NUP98: variants seen among roughly 807,000 people sequenced by gnomAD.
NUP98 encodes the protein nucleoporin 98 and 96 precursor.
Under a neutral mutation model 191.9 loss-of-function variants are expected in NUP98, and 26 were observed. That is an observed-to-expected ratio of 0.14 (90% confidence interval 0.10 to 0.19). NUP98 has a LOEUF of 0.19. NUP98 is among the 10% of genes least tolerant of loss of function. NUP98 has a pLI of 1.00. For synonymous variants in NUP98, 808 were observed against 778.4 expected (o/e 1.04, Z -0.63); for missense variants, 1,941 against 2,178.8 (o/e 0.89, Z 2.17).
Position 3,733,617 on chromosome 11 carries a change from G to A in NUP98, c.1542+1574C>T, listed in dbSNP as rs985219111. ...ATGAGCCACCATGCCCACTGTGCCCGGCCTTCACTTATGTTTTCAAGGTTT... is the reference window on the plus strand; with the variant it reads ...ATGAGCCACCATGCCCACTGTGCCCAGCCTTCACTTATGTTTTCAAGGTTT... On this transcript the variant is annotated intron_variant, in intron 13 of 32. Transcript: ENST00000324932. Among the ~76,000 whole-genome samples the A allele has an allele frequency of 2.6e-4, 40 of 152,020 alleles. 1 individual carries two copies. Among genetic ancestry groups the A allele is most frequent in the Admixed American group, 6.6e-5 (1 of 15,254 alleles).
chr11:3,767,385 T>C (rs1195008965), intron 8 of NUP98, among the ~76,000 whole-genome samples: 2 of 151,966 alleles, frequency 1.3e-5, no homozygotes, highest in Non-Finnish European at 2.9e-5. Flanking sequence ...TGGAGTGCCA[T>C]GGAGCAATCT....
chr11:3,795,687 TA>T (rs2082505629), intron 1 of NUP98, among the ~76,000 whole-genome samples: 1 of 151,858 alleles, frequency 6.6e-6, no homozygotes, highest in African/African-American at 2.4e-5. Flanking sequence ...AAAAAACAGC[TA>T]AAATAAAAAT....
At chr11:3,762,255 A>G (rs36029236) in intron 9 of NUP98, among the ~76,000 whole-genome samples, 1 of 149,294 alleles carries the variant, frequency 6.7e-6, no homozygotes, top group Non-Finnish European at 1.5e-5. Context: ...TATTACAGGC[A>G]CCCACCACCA....
intron 1 of NUP98, among the ~76,000 whole-genome samples, chr11:3,784,339 T>C (rs1419646452): frequency 6.6e-6 from 1 of 152,108 alleles, no homozygotes; most frequent in Non-Finnish European, 1.5e-5. Context: ...AAAAATCAAA[T>C]ACTTAAGTTC....
At chr11:3,732,834 G>A (rs1028036520) in intron 13 of NUP98, among the ~76,000 whole-genome samples, 1 of 152,142 alleles carries the variant, frequency 6.6e-6, no homozygotes, top group Non-Finnish European at 1.5e-5. Flanking sequence ...TCTTCCCAGT[G>A]CAAGCTGTTT....
intron 5 of NUP98, among the ~76,000 whole-genome samples, chr11:3,775,262 G>A (rs1476123886): frequency 6.6e-6 from 1 of 152,164 alleles, no homozygotes; most frequent in Non-Finnish European, 1.5e-5. Flanking sequence ...GGGCATGGTG[G>A]CTCATGCCTG....
At chr11:3,713,438 C>G (rs2134172045) in intron 19 of NUP98, among the ~76,000 whole-genome samples, 1 of 152,242 alleles carries the variant, frequency 6.6e-6, no homozygotes, top group East Asian at 1.9e-4. Flanking sequence ...GAGAATTTGG[C>G]TGGGTATAGT....
chr11:3,781,669 T>C (rs1589961469), intron 2 of NUP98, among the ~76,000 whole-genome samples: 1 of 152,212 alleles, frequency 6.6e-6, no homozygotes, highest in East Asian at 1.9e-4. Context: ...TTCTGTGACA[T>C]GAATGTCACA....
chr11:3,723,112 C>T (rs185861408), intron 16 of NUP98, 45 bp downstream of exon 16: 181 of 1,561,460 alleles, frequency 1.2e-4, no homozygotes, highest in East Asian at 9.4e-4. Context: ...CAAGTCATCT[C>T]GAATGACTGG....
At chr11:3,755,204 C>T (rs1007091497) in intron 10 of NUP98, among the ~76,000 whole-genome samples, 3 of 151,778 alleles carry the variant, frequency 2.0e-5, no homozygotes, top group Non-Finnish European at 2.9e-5. Context: ...GCCTGTAATC[C>T]CAACACATTG....
chr11:3,795,994 C>G (rs1440121491), intron 1 of NUP98, among the ~76,000 whole-genome samples: 1 of 152,204 alleles, frequency 6.6e-6, no homozygotes, highest in Non-Finnish European at 1.5e-5. Context: ...TAATTTTACC[C>G]AAGTATTTCC....
chr11:3,797,440 C>T lies in NUP98; in HGVS notation c.-69G>A. Reference sequence around the variant, plus strand: ...AAGGGGAAGTGTCAGGAGTCCCCTGCTGCCACCCGCCGCTCACAGAGCAGC... The same window carrying T: ...AAGGGGAAGTGTCAGGAGTCCCCTGTTGCCACCCGCCGCTCACAGAGCAGC... On this transcript the variant is annotated 5_prime_UTR_variant, in exon 1 of 33. Transcript: ENST00000324932. 1 of 414,444 alleles carries T rather than the reference C, an allele frequency of 2.4e-6. No homozygotes were observed. Among genetic ancestry groups the T allele is most frequent in the Admixed American group, 4.4e-5 (1 of 22,776 alleles). 25.7% of individuals were successfully genotyped at this position (414,444 alleles called of 1,614,324 possible). A position where few individuals can be genotyped will look rare whatever the true frequency, so the allele number is the denominator to read the frequency against.
rs146665998 is a variant in NUP98 at position 3,702,820 on chromosome 11, C to T, written c.3155G>A (p.Arg1052His). 232 of 1,614,040 alleles carry T rather than the reference C, an allele frequency of 1.4e-4. No homozygotes were observed. The Admixed American group carries it at 1.7e-3, about 12-fold the overall frequency. ...LSPSVSVQEC[R>H]TPRAASLMNI... ...CATTAAAGATGCTGCTCTGGGAGTA[C>T]GACATTCTTGCACAGAGACACTTGG... The change falls in exon 23 of 33, where the codon CGT (arginine) becomes CAT (histidine). Residue 1052 changes from arginine to histidine, a missense_variant. By Grantham distance (29) the Arg-to-His change is conservative. Around this residue, in one of 6 missense-constraint regions of NUP98, gnomAD observed 1,030 missense variants for 1,115.8 expected, o/e 0.92. Coordinates refer to ENST00000324932, the MANE Select transcript of NUP98 (RefSeq NM_016320.5).
chr11:3,770,793 A>G (rs1378096841), intron 7 of NUP98, among the ~76,000 whole-genome samples: 2 of 152,200 alleles, frequency 1.3e-5, no homozygotes, highest in African/African-American at 4.8e-5. Flanking sequence ...CACATCCCAC[A>G]TTAAACCAAT....
chr11:3,697,052 T>A (rs1472920396), intron 25 of NUP98: 1 of 152,078 alleles, frequency 6.6e-6, no homozygotes, highest in African/African-American at 2.4e-5. Context: ...TGATTCATAA[T>A]AAGTTCATAC....
intron 1 of NUP98, among the ~76,000 whole-genome samples, chr11:3,790,208 G>A (rs1320193602): frequency 3.9e-5 from 6 of 152,272 alleles, no homozygotes; most frequent in Admixed American, 6.5e-5. Flanking sequence ...TTCCCTTCAC[G>A]AACAGACCAG....
At chr11:3,710,631 A>T (rs1205067329) in intron 20 of NUP98, among the ~76,000 whole-genome samples, 7 of 152,210 alleles carry the variant, frequency 4.6e-5, no homozygotes, top group Non-Finnish European at 1.0e-4. Flanking sequence ...AGAGATGAGA[A>T]GACTGCTATT....
intron 14 of NUP98, among the ~76,000 whole-genome samples, chr11:3,726,525 TAA>T (rs781738636): frequency 3.1e-4 from 40 of 127,380 alleles, no homozygotes; most frequent in Non-Finnish European, 3.5e-4. Context: ...CCACTGACAT[TAA>T]AAAAAAAAAA....
In NUP98 at chr11:3,758,292, G is replaced by A. The variant is rs564630222; in HGVS notation, c.1174+2247C>T. On this transcript the variant is annotated intron_variant, in intron 10 of 32. Transcript: ENST00000324932. ...GCCCATATCTGGCCACTGCACTCCC[G>A]CCTGGGAGACAGAGCGAGACTCCGT... is the stretch of plus-strand genomic sequence containing the variant. Among the ~76,000 whole-genome samples, 346 of 150,794 alleles carry A rather than the reference G, an allele frequency of 2.3e-3. 5 individuals are homozygous for A. The highest frequency in any genetic ancestry group is 0.015 in the South Asian group (73 of 4,778).
Sources: allele counts gnomAD v4.1 joint callset (sites outside exome capture counted in the v4.1 genomes callset), GRCh38; gene constraint gnomAD v4.1.1; regional missense constraint gnomAD v4.1.1; transcripts MANE v1.5; gene names NCBI Gene and HGNC (gene_info 2026-07-23, HGNC 2026-07-21).